The following TUSC3 variants were observed in gnomAD, a reference collection of about 807,000 sequenced individuals.
TUSC3 encodes dolichyl-diphosphooligosaccharide--protein glycosyltransferase subunit TUSC3.
In TUSC3, 45 loss-of-function variants were observed where a neutral mutation model predicts 44.8. The ratio of observed to expected loss-of-function variants is 1.00; its 90% CI spans 0.79 to 1.29. The LOEUF is 1.29. Ranked by LOEUF, TUSC3 falls within the 50% of genes most tolerant of loss-of-function variation. TUSC3 has a pLI of 0.00. For synonymous variants in TUSC3, 212 were observed against 152.9 expected (o/e 1.39, Z -2.85); for missense variants, 519 against 437.9 (o/e 1.19, Z -1.65).
At chr8:15,774,444 G>C in the TUSC3 span, among the ~76,000 whole-genome samples, 1 of 152,168 alleles carries the variant, frequency 6.6e-6, no homozygotes, top group Admixed American at 6.5e-5. Flanking sequence ...TGGATGATTC[G>C]CCTGACTACA....
intron 6 of TUSC3, among the ~76,000 whole-genome samples, chr8:15,687,370 T>C (rs1217460533): frequency 1.3e-5 from 2 of 152,168 alleles, no homozygotes; most frequent in African/African-American, 4.8e-5. Flanking sequence ...CTGCAATTGT[T>C]TTAGAATTTT....
intron 1 of TUSC3, among the ~76,000 whole-genome samples, chr8:15,617,443 TC>T (rs1333497710): frequency 6.6e-6 from 1 of 152,078 alleles, no homozygotes; most frequent in East Asian, 1.9e-4. Context: ...TGGCCTGTAT[TC>T]CTGTTTAAAA....
At chr8:15,523,175 A>G (rs991162118) in intron 2 of TUSC3, among the ~76,000 whole-genome samples, 3 of 152,172 alleles carry the variant, frequency 2.0e-5, no homozygotes, top group Non-Finnish European at 2.9e-5. Flanking sequence ...CAATGGTTGC[A>G]TGATGGCATT....
intron 6 of TUSC3, among the ~76,000 whole-genome samples, chr8:15,696,287 G>A (rs1212891771): frequency 6.6e-6 from 1 of 152,186 alleles, no homozygotes; most frequent in African/African-American, 2.4e-5. Context: ...AGCTCGGGAT[G>A]TGGATTCCGA....
intron 1 of TUSC3, among the ~76,000 whole-genome samples, chr8:15,569,867 T>G (rs1368755031): frequency 6.6e-6 from 1 of 152,100 alleles, no homozygotes; most frequent in Non-Finnish European, 1.5e-5. Context: ...AGGTTTAACA[T>G]GTTGCTTTGG....
intron 2 of TUSC3, among the ~76,000 whole-genome samples, chr8:15,644,842 C>T (rs374131177): frequency 1.4e-4 from 22 of 152,146 alleles, no homozygotes; most frequent in African/African-American, 5.1e-4. Flanking sequence ...AAAAAGCCCC[C>T]ATTTGCCTTG....
chr8:15,432,248 T>C (rs1724596214), intron 1 of TUSC3, among the ~76,000 whole-genome samples: 1 of 151,818 alleles, frequency 6.6e-6, no homozygotes, highest in Admixed American at 6.6e-5. Context: ...AGGCTTTTTG[T>C]TGTTGTTGTT....
chr8:15,787,499 A>T, the TUSC3 span, among the ~76,000 whole-genome samples: 1 of 152,186 alleles, frequency 6.6e-6, no homozygotes, highest in Admixed American at 6.5e-5. Context: ...TTTGTCAGGA[A>T]AATATATTAT....
At chr8:15,657,796 C>T (rs977552964) in intron 3 of TUSC3, among the ~76,000 whole-genome samples, 2 of 152,152 alleles carry the variant, frequency 1.3e-5, no homozygotes, top group Admixed American at 1.3e-4. Flanking sequence ...TGTCTTAGTC[C>T]ATTTTGGGCT....
the TUSC3 span, chr8:15,806,408 T>A: frequency 1.5e-6 from 1 of 681,584 alleles, no homozygotes; most frequent in South Asian, 1.4e-5. Flanking sequence ...CTGGTGATAC[T>A]TTGGGTGCAT....
At chr8:15,600,270 G>T (rs2129154213) in intron 1 of TUSC3, among the ~76,000 whole-genome samples, 1 of 151,846 alleles carries the variant, frequency 6.6e-6, no homozygotes, top group African/African-American at 2.4e-5. Flanking sequence ...CCTTTGTAAT[G>T]ACAGCAAGAT....
At position 15,712,369 on chromosome 8, in the gene TUSC3, C is replaced by A. The variant is rs556154831; in HGVS notation, c.799-18297C>A. On this transcript the variant is annotated intron_variant, in intron 6 of 10. Coordinates refer to ENST00000503731, the MANE Select transcript of TUSC3 (RefSeq NM_006765.4). ...ACCTGTTCATTCCACTTAACCTGCTCTTTTCAGAACTATTTGAAACCTCAT... is the reference window on the plus strand; with the variant it reads ...ACCTGTTCATTCCACTTAACCTGCTATTTTCAGAACTATTTGAAACCTCAT... Among the ~76,000 whole-genome samples the A allele has an allele frequency of 2.0e-5, 3 of 152,180 alleles. No homozygotes were observed. In the East Asian group the frequency reaches 5.8e-4, roughly 29 times the overall value.
At chr8:15,537,073 C>G (rs117394700), upstream of TUSC3, among the ~76,000 whole-genome samples, 25 of 152,190 alleles carry the variant, frequency 1.6e-4, 1 homozygote, top group East Asian at 4.4e-3. Context: ...TTTGCAGATC[C>G]AGTAAGATAA....
intron 1 of TUSC3, among the ~76,000 whole-genome samples, chr8:15,446,253 G>T (rs1452135944): frequency 1.3e-5 from 2 of 151,908 alleles, no homozygotes; most frequent in Admixed American, 6.6e-5. Flanking sequence ...TGGGATGGCG[G>T]CCGGGAAGAG....
At chr8:15,771,905 G>C in the TUSC3 span, among the ~76,000 whole-genome samples, 1 of 151,996 alleles carries the variant, frequency 6.6e-6, no homozygotes, top group Non-Finnish European at 1.5e-5. Context: ...TGGCTAACAC[G>C]GTGAAACCCC....
At chr8:15,825,378 G>A in the TUSC3 span, among the ~76,000 whole-genome samples, 2 of 152,158 alleles carry the variant, frequency 1.3e-5, no homozygotes, top group African/African-American at 4.8e-5. Context: ...CAGGCAAGAG[G>A]ACGTGTGCAG....
At chr8:15,800,619 T>A in the TUSC3 span, among the ~76,000 whole-genome samples, 1 of 151,846 alleles carries the variant, frequency 6.6e-6, no homozygotes, top group East Asian at 1.9e-4. Context: ...CTCCTAGGGA[T>A]GAGCAGATTT....
chr8:15,516,695 C>A (rs1212457923), intron 2 of TUSC3, among the ~76,000 whole-genome samples: 1 of 152,070 alleles, frequency 6.6e-6, no homozygotes. Context: ...TTTGGCAGGC[C>A]ATATTTAGAC....
chr8:15,790,341 ACT>A, the TUSC3 span, among the ~76,000 whole-genome samples: 1 of 150,980 alleles, frequency 6.6e-6, no homozygotes, highest in African/African-American at 2.4e-5. Context: ...ACATGCCACC[ACT>A]CTCAGCTAAT....
Sources: gnomAD v4.1 joint callset for allele counts (sites outside exome capture counted in the v4.1 genomes callset) on GRCh38, gnomAD v4.1.1 for gene constraint, MANE v1.5 for transcripts, NCBI Gene and HGNC (gene_info 2026-07-23, HGNC 2026-07-21) for gene names.